The following CNTNAP2 variants were observed in gnomAD, a reference collection of about 807,000 sequenced individuals.
CNTNAP2 encodes contactin-associated protein-like 2.
CNTNAP2 carries 98 observed loss-of-function variants against 155.2 expected under a neutral mutation model. The observed-to-expected ratio is 0.63, with a 90% CI of 0.54 to 0.75. The LOEUF (loss-of-function observed/expected upper bound fraction) is 0.75, where lower values mean the gene tolerates loss of function less well. CNTNAP2 is among the 30% of genes least tolerant of loss of function. The pLI is 0.00. For synonymous variants in CNTNAP2, 651 were observed against 631.2 expected, an observed-to-expected ratio of 1.03 and a Z score of -0.47; for missense variants, 1,727 against 1,688.1, an observed-to-expected ratio of 1.02 and a Z score of -0.40.
intron 1 of CNTNAP2, among the ~76,000 whole-genome samples, chr7:146,563,924 G>C (rs750658647): frequency 2.0e-5 from 3 of 152,052 alleles, no homozygotes; most frequent in Non-Finnish European, 2.9e-5. Context: ...ACTACCTGGT[G>C]ATCTTGCCTT....
At chr7:148,305,755 C>T (rs73171928) in intron 21 of CNTNAP2, among the ~76,000 whole-genome samples, 1,662 of 152,208 alleles carry the variant, frequency 0.011, 31 homozygotes, top group African/African-American at 0.033. Context: ...GGGAGAAATC[C>T]GCCCCCATGA....
At chr7:147,179,628 T>C (rs2116496526) in intron 8 of CNTNAP2, among the ~76,000 whole-genome samples, 1 of 152,254 alleles carries the variant, frequency 6.6e-6, no homozygotes, top group South Asian at 2.1e-4. Flanking sequence ...GTAATTAGTC[T>C]TATCAAAATC....
intron 21 of CNTNAP2, among the ~76,000 whole-genome samples, chr7:148,356,739 C>T (rs905405091): frequency 1.3e-5 from 2 of 152,024 alleles, no homozygotes; most frequent in Non-Finnish European, 2.9e-5. Flanking sequence ...GAGTCCTCAC[C>T]TTTCCATCCC....
intron 8 of CNTNAP2, among the ~76,000 whole-genome samples, chr7:147,179,251 A>G (rs1020857771): frequency 1.3e-5 from 2 of 152,238 alleles, no homozygotes; most frequent in Non-Finnish European, 2.9e-5. Flanking sequence ...GAAACAAAAT[A>G]TTAAGACTAG....
chr7:147,755,443 C>T (rs1302117379), intron 13 of CNTNAP2, among the ~76,000 whole-genome samples: 1 of 152,116 alleles, frequency 6.6e-6, no homozygotes, highest in African/African-American at 2.4e-5. Context: ...TCACTTGAAG[C>T]CAGGAGTTTG....
At chr7:148,212,846 T>A (rs139407547) in intron 18 of CNTNAP2, among the ~76,000 whole-genome samples, 13 of 152,332 alleles carry the variant, frequency 8.5e-5, no homozygotes, top group African/African-American at 2.9e-4. Flanking sequence ...AGGCTTTGCT[T>A]TAACAGTTGG....
At chr7:147,411,042 G>C (rs1797094146) in intron 10 of CNTNAP2, among the ~76,000 whole-genome samples, 1 of 152,128 alleles carries the variant, frequency 6.6e-6, no homozygotes, top group Non-Finnish European at 1.5e-5. Flanking sequence ...TTTTATCTCA[G>C]AGACAATGCA....
intron 13 of CNTNAP2, among the ~76,000 whole-genome samples, chr7:147,649,698 T>C (rs1258163926): frequency 6.6e-6 from 1 of 152,014 alleles, no homozygotes; most frequent in Non-Finnish European, 1.5e-5. Flanking sequence ...AAATTTGCAT[T>C]TTAGTTTATT....
At chr7:147,308,468 A>G (rs745572714) in intron 9 of CNTNAP2, among the ~76,000 whole-genome samples, 5 of 152,198 alleles carry the variant, frequency 3.3e-5, no homozygotes, top group Non-Finnish European at 5.9e-5. Context: ...TCAATTCTGC[A>G]TACACATTTG....
At chr7:147,474,110 AAAAT>A (rs1421017731) in intron 10 of CNTNAP2, among the ~76,000 whole-genome samples, 1 of 151,990 alleles carries the variant, frequency 6.6e-6, no homozygotes, top group African/African-American at 2.4e-5. Flanking sequence ...TAAAAAATAA[AAAAT>A]AAAGTTTTGT....
At chr7:146,621,564 A>C (rs558870740) in intron 1 of CNTNAP2, among the ~76,000 whole-genome samples, 1 of 152,286 alleles carries the variant, frequency 6.6e-6, no homozygotes, top group African/African-American at 2.4e-5. Flanking sequence ...AATGTTCATC[A>C]ACTGGGATTG....
intron 8 of CNTNAP2, among the ~76,000 whole-genome samples, chr7:147,299,110 G>A (rs1480626084): frequency 5.9e-5 from 9 of 152,076 alleles, no homozygotes; most frequent in Admixed American, 2.6e-4. Flanking sequence ...GTCTGAAGAA[G>A]AATAGCACAA....
In CNTNAP2 at chr7:147,404,890, T is replaced by G. The variant is rs1203587150; in HGVS notation, c.1670+9110T>G. Reference sequence around the variant, plus strand: ...TTTAAGTACAAATAGAATACTAGAGTGACAAAAACATATTCTTTTTTAAAA... The same window carrying G: ...TTTAAGTACAAATAGAATACTAGAGGGACAAAAACATATTCTTTTTTAAAA... On this transcript the variant is annotated intron_variant, in intron 10 of 23. Coordinates refer to ENST00000361727, the MANE Select transcript of CNTNAP2 (RefSeq NM_014141.6). Among the ~76,000 whole-genome samples the G allele has an allele frequency of 2.0e-5, 3 of 152,030 alleles. No homozygotes were observed. In the East Asian group the frequency reaches 5.8e-4, roughly 29 times the overall value.
At chr7:148,297,891 C>T (rs1797312820) in intron 21 of CNTNAP2, among the ~76,000 whole-genome samples, 1 of 151,978 alleles carries the variant, frequency 6.6e-6, no homozygotes, top group Non-Finnish European at 1.5e-5. Flanking sequence ...AATGGATCAC[C>T]CCAAACAGAA....
chr7:148,300,234 C>T (rs1051387267), intron 21 of CNTNAP2, among the ~76,000 whole-genome samples: 1 of 152,152 alleles, frequency 6.6e-6, no homozygotes, highest in Non-Finnish European at 1.5e-5. Flanking sequence ...ATGATAGGCC[C>T]TTTACCAAGG....
At position 148,063,497 on chromosome 7, in the gene CNTNAP2, T is replaced by A. The variant is rs564858286; in HGVS notation, c.2384-54621T>A. 2.6e-5 allele frequency among the ~76,000 whole-genome samples: 4 copies of A among 151,978 alleles called. No homozygotes were observed. The South Asian group carries it at 8.3e-4, about 32-fold the overall frequency. The stretch of plus-strand genomic sequence containing the variant: ...TTCCTCTGTTTTTTATTTTGGATAG[T>A]TTCTATCACTGTCTTCAAGTTATCT... On this transcript the variant is annotated intron_variant, in intron 15 of 23. Transcript: ENST00000361727.
At chr7:146,954,393 T>A (rs889258609) in intron 3 of CNTNAP2, among the ~76,000 whole-genome samples, 1 of 151,820 alleles carries the variant, frequency 6.6e-6, no homozygotes, top group African/African-American at 2.4e-5. Flanking sequence ...TATGCATAGA[T>A]GAAAAAAGTC....
chr7:147,210,283 G>A (rs139300977), intron 8 of CNTNAP2, among the ~76,000 whole-genome samples: 1 of 152,028 alleles, frequency 6.6e-6, no homozygotes, highest in East Asian at 1.9e-4. Context: ...TTTGATATTG[G>A]TTTGTTAAGG....
intron 12 of CNTNAP2, among the ~76,000 whole-genome samples, chr7:147,574,467 A>G (rs924585502): frequency 6.6e-5 from 10 of 152,114 alleles, no homozygotes; most frequent in African/African-American, 2.4e-4. Context: ...CCTTGTGAAT[A>G]GCTCTTCCTT....
Sources: gnomAD v4.1 joint callset for allele counts (sites outside exome capture counted in the v4.1 genomes callset) on GRCh38, gnomAD v4.1.1 for gene constraint, MANE v1.5 for transcripts, NCBI Gene and HGNC (gene_info 2026-07-23, HGNC 2026-07-21) for gene names.